Variants in RO60 observed in about 807,000 individuals in gnomAD.
The protein encoded by RO60 is Ro60, Y RNA binding protein.
In RO60, 20 loss-of-function variants were observed where a neutral mutation model predicts 55.3. The ratio of observed to expected loss-of-function variants is 0.36; its 90% CI spans 0.25 to 0.53. The LOEUF is 0.53. RO60 is among the 20% of genes least tolerant of loss of function. The pLI, the probability that RO60 is intolerant of heterozygous loss-of-function variation, is 0.92. For missense variants in RO60, 558 were observed against 646.6 expected, an observed-to-expected ratio of 0.86 and a Z score of 1.49; for synonymous variants, 213 against 213.6, an observed-to-expected ratio of 1.00 and a Z score of 0.02.
rs1674840427 is a variant in RO60, at chr1:193,091,130, T to A, written c.*6399T>A. The A allele has an allele frequency of 6.6e-6, 1 of 152,288 alleles. No individual in the cohort carries two copies. The highest frequency in any genetic ancestry group is 2.4e-5 in the African/African-American group (1 of 41,440). 9.4% of individuals were successfully genotyped at this position (152,288 alleles called of 1,614,324 possible). ...TTGCATATTTAACATCGAATGAAAA[T>A]GTAGTTGTACAGTTCCAAAAATAAT... On this transcript the variant is annotated 3_prime_UTR_variant, in exon 9 of 9. Transcript: ENST00000400968.
intron 4 of RO60, 32 bp from the exon 5 acceptor site, chr1:193,076,881 T>G: frequency 1.3e-6 from 2 of 1,592,018 alleles, no homozygotes; most frequent in Non-Finnish European, 1.7e-6. Context: ...TCACTGTTTT[T>G]TGCTAAAATT....
In RO60 at chr1:193,089,937, C is replaced by G. The variant is rs1458164212; in HGVS notation, c.*5206C>G. On this transcript the variant is annotated 3_prime_UTR_variant, in exon 9 of 9. Coordinates refer to ENST00000400968, the MANE Select transcript of RO60 (RefSeq NM_001173524.2). ...TCTCCTGCCTCAGCCTCCCAAGTAG[C>G]TGGGATTACAGGCACGCGCCACCAC... The G allele has an allele frequency of 6.6e-6, 1 of 152,076 alleles. No individual in the cohort carries two copies. The highest frequency in any genetic ancestry group is 1.5e-5 in the Non-Finnish European group (1 of 68,102). 9.4% of individuals were successfully genotyped at this position (152,076 alleles called of 1,614,324 possible).
chr1:193,088,668 G>A lies in RO60; in HGVS notation c.*3937G>A, dbSNP rs1674726724. 1 of 152,090 alleles carries A rather than the reference G, an allele frequency of 6.6e-6. No homozygotes were observed. The highest frequency in any genetic ancestry group is 1.5e-5 in the Non-Finnish European group (1 of 68,028). The allele number at this position is 152,090 out of a possible 1,614,324, so 9.4% of individuals were successfully genotyped here. ...AAAATTCTAGTCTTATATACTGCAG[G>A]TTTGGGGTGATTGTTAAGGCACTAT... On this transcript the variant is annotated 3_prime_UTR_variant, in exon 9 of 9. Transcript: ENST00000400968.
At chr1:193,077,355 A>G (rs561509641) in intron 5 of RO60, among the ~76,000 whole-genome samples, 2 of 152,336 alleles carry the variant, frequency 1.3e-5, no homozygotes, top group East Asian at 3.9e-4. Flanking sequence ...TAGTTTATAA[A>G]GAAGAGAGGT....
chr1:193,073,382 T>C (rs1468981284), intron 2 of RO60, among the ~76,000 whole-genome samples: 1 of 152,192 alleles, frequency 6.6e-6, no homozygotes, highest in African/African-American at 2.4e-5. Context: ...CTATACAATA[T>C]TTTTGGGTAA....
intron 5 of RO60, among the ~76,000 whole-genome samples, chr1:193,079,328 A>T (rs1005610459): frequency 6.6e-6 from 1 of 152,110 alleles, no homozygotes; most frequent in Non-Finnish European, 1.5e-5. Flanking sequence ...GCCTCAAGTG[A>T]TCCGCCCACC....
intron 2 of RO60, among the ~76,000 whole-genome samples, chr1:193,071,481 T>C (rs1006105856): frequency 2.6e-5 from 4 of 152,206 alleles, no homozygotes; most frequent in Non-Finnish European, 5.9e-5. Context: ...ATTTATTAGC[T>C]AGTCTCTTAT....
intron 1 of RO60, among the ~76,000 whole-genome samples, chr1:193,060,697 G>A (rs1672550463): frequency 6.6e-6 from 1 of 152,160 alleles, no homozygotes; most frequent in South Asian, 2.1e-4. Flanking sequence ...ACGCTATGGG[G>A]TAGAAGCCAA....
chr1:193,081,066 T>A (rs1216080220), intron 5 of RO60, among the ~76,000 whole-genome samples: 3 of 152,352 alleles, frequency 2.0e-5, no homozygotes, highest in South Asian at 2.1e-4. Flanking sequence ...AATTCTCATT[T>A]TACTTCAATG....
chr1:193,091,756 A>G (rs972786661), downstream of RO60: 3 of 1,297,594 alleles, frequency 2.3e-6, no homozygotes, highest in African/African-American at 4.4e-5. Context: ...AGATGTACCA[A>G]ATAAACTCTA....
intron 8 of RO60, among the ~76,000 whole-genome samples, chr1:193,083,611 T>C (rs1674467200): frequency 6.6e-6 from 1 of 152,206 alleles, no homozygotes; most frequent in Non-Finnish European, 1.5e-5. Flanking sequence ...GCGACCGTAT[T>C]AGAAATGCAA....
Position 193,082,544 on chromosome 1 carries a change from G to A in RO60, c.1318-18G>A, listed in dbSNP as rs764700993. ...AGGATTTATTTACTTATTTATTCAT[G>A]CTTTTGTTCCGAATTAGATCCCAGC... On this transcript the variant is annotated intron_variant, in intron 7 of 8. Transcript: ENST00000400968. The A allele has an allele frequency of 7.4e-6, 12 of 1,612,704 alleles. No individual in the cohort carries two copies. The highest frequency in any genetic ancestry group is 1.0e-5 in the Non-Finnish European group (12 of 1,179,144).
At chr1:193,078,902 A>AC (rs1674107799) in intron 5 of RO60, among the ~76,000 whole-genome samples, 1 of 151,930 alleles carries the variant, frequency 6.6e-6, no homozygotes, top group Non-Finnish European at 1.5e-5. Context: ...ATTTCAAGTG[A>AC]CCCCAAATAG....
At chr1:193,073,926 C>G (rs1361788197) in intron 2 of RO60, among the ~76,000 whole-genome samples, 1 of 143,862 alleles carries the variant, frequency 7.0e-6, no homozygotes, top group Non-Finnish European at 1.5e-5. Flanking sequence ...TGTGATGTTC[C>G]CCTTCCTGTG....
In RO60 at chr1:193,059,926, C is replaced by T. The variant is rs753190346; in HGVS notation, c.-22+150C>T. ...ACTATCGCTCTTCCCCGTCCCGCTT[C>T]CGCGCCTGTCCACCCTGGGTAACGG... On this transcript the variant is annotated intron_variant, in intron 1 of 8. Coordinates refer to ENST00000400968, the MANE Select transcript of RO60 (RefSeq NM_001173524.2). The surrounding 1 kb of genome is among the most constrained non-coding windows in gnomAD (Gnocchi z 4.9). The T allele has an allele frequency of 7.3e-7, 1 of 1,366,158 alleles. No individual in the cohort carries two copies. The highest frequency in any genetic ancestry group is 1.5e-5 in the African/African-American group (1 of 67,754). The allele number at this position is 1,366,158 out of a possible 1,614,324, so 84.6% of individuals were successfully genotyped here. A position where few individuals can be genotyped will look rare whatever the true frequency, so the allele number is the denominator to read the frequency against.
At chr1:193,070,406 T>A (rs1673406494) in intron 2 of RO60, 4 of 304,494 alleles carry the variant, frequency 1.3e-5, no homozygotes, top group Non-Finnish European at 2.7e-5. Context: ...AAGAGACTTT[T>A]GAAAAGTTAG....
In RO60 at chr1:193,075,970, T is replaced by A. The variant is rs756706118; in HGVS notation, c.731T>A (p.Val244Asp). The change falls in exon 3 of 9, where the codon GTC (valine) becomes GAC (aspartate). Residue 244 changes from valine (V) to aspartate (D), a missense_variant. By Grantham distance (152) the Val-to-Asp change is radical. Coordinates refer to ENST00000400968, the MANE Select transcript of RO60 (RefSeq NM_001173524.2). ...KVKRTRDELEVIHLIEEHRLV... is the reference protein window; with the variant it reads ...KVKRTRDELEDIHLIEEHRLV... The stretch of plus-strand genomic sequence containing the variant: ...AAGCGCACAAGAGATGAGCTAGAAG[T>A]CATTCATCTAATAGAAGAACATAGA... The A allele has an allele frequency of 6.2e-7, 1 of 1,613,150 alleles. No individual in the cohort carries two copies. Among genetic ancestry groups the A allele is most frequent in the Non-Finnish European group, 8.5e-7 (1 of 1,179,538 alleles).
Position 193,076,015 on chromosome 1 carries a change from T to C in RO60, c.776T>C (p.Leu259Ser). 2 of 1,608,652 alleles carry C rather than the reference T, an allele frequency of 1.2e-6. No homozygotes were observed. Among genetic ancestry groups the C allele is most frequent in the Non-Finnish European group, 1.7e-6 (2 of 1,177,880 alleles). ...EEHRLVREHL[L>S]TNHLKSKEVW... ...CATAGATTAGTTAGAGAACATCTTT[T>C]AACAAATCACTTAAAGTCTAAAGAG... The change falls in exon 3 of 9, where the codon TTA becomes TCA. Residue 259 changes from leucine (L) to serine (S), a missense_variant. Coordinates refer to ENST00000400968, the MANE Select transcript of RO60 (RefSeq NM_001173524.2).
intron 2 of RO60, among the ~76,000 whole-genome samples, chr1:193,074,331 G>A (rs1233054190): frequency 6.6e-6 from 1 of 152,184 alleles, no homozygotes; most frequent in Non-Finnish European, 1.5e-5. Flanking sequence ...CACAATGGTT[G>A]AACTAGTTTA....
Sources: gnomAD v4.1 joint callset for allele counts (sites outside exome capture counted in the v4.1 genomes callset) on GRCh38, gnomAD v4.1.1 for gene constraint, Gnocchi (gnomAD v3.1) non-coding constraint, MANE v1.5 for transcripts, NCBI Gene and HGNC (gene_info 2026-07-23, HGNC 2026-07-21) for gene names.